The following LDLRAD4 variants were observed in gnomAD, a reference collection of about 807,000 sequenced individuals.
LDLRAD4 encodes the protein low density lipoprotein receptor class A domain containing 4.
Under a neutral mutation model 17.0 loss-of-function variants are expected in LDLRAD4, and 5 were observed. That is an observed-to-expected ratio of 0.29 (90% CI 0.15 to 0.62). The LOEUF (loss-of-function observed/expected upper bound fraction) is 0.62. Among genes scored for constraint, LDLRAD4 ranks in the 20% least tolerant of loss-of-function variants. The pLI is 0.84. For synonymous variants in LDLRAD4, 168 were observed against 171.8 expected (o/e 0.98, Z 0.17); for missense variants, 340 against 424.7 (o/e 0.80, Z 1.75).
chr18:13,482,827 C>T (rs2093126777), intron 3 of LDLRAD4, among the ~76,000 whole-genome samples: 1 of 152,152 alleles, frequency 6.6e-6, no homozygotes, highest in Admixed American at 6.5e-5. Context: ...AGGTAACAGC[C>T]CTTTAGTTGA....
intron 3 of LDLRAD4, among the ~76,000 whole-genome samples, chr18:13,449,868 G>T (rs547269829): frequency 2.0e-5 from 3 of 152,176 alleles, no homozygotes; most frequent in Non-Finnish European, 4.4e-5. Flanking sequence ...GGTTTGGGCA[G>T]GTGGTGGGTT....
chr18:13,627,857 C>T (rs993643502), intron 4 of LDLRAD4, among the ~76,000 whole-genome samples: 8 of 152,224 alleles, frequency 5.3e-5, no homozygotes, highest in Non-Finnish European at 1.0e-4. Flanking sequence ...AGAGGGCAGA[C>T]GGTCCTGGGC....
chr18:13,420,632 C>T (rs1403507958), intron 2 of LDLRAD4: 1 of 152,230 alleles, frequency 6.6e-6, no homozygotes, highest in Non-Finnish European at 1.5e-5. Context: ...ACTGGAGACC[C>T]TCAGTACTGA....
At chr18:13,442,686 C>T (rs1363203855) in intron 3 of LDLRAD4, among the ~76,000 whole-genome samples, 3 of 152,336 alleles carry the variant, frequency 2.0e-5, no homozygotes, top group South Asian at 2.1e-4. Flanking sequence ...CAGCCAAGCA[C>T]GTCCTGTGGT....
intron 3 of LDLRAD4, among the ~76,000 whole-genome samples, chr18:13,584,132 G>A (rs772029820): frequency 1.2e-4 from 18 of 152,304 alleles, no homozygotes; most frequent in Admixed American, 2.0e-4. Context: ...TGTGACCGGC[G>A]TCTGCCTCTG....
At chr18:13,473,709 T>C (rs2092857108) in intron 3 of LDLRAD4, among the ~76,000 whole-genome samples, 1 of 140,668 alleles carries the variant, frequency 7.1e-6, no homozygotes, top group African/African-American at 2.6e-5. Flanking sequence ...ATTTATAATA[T>C]ACATATTATA....
intron 1 of LDLRAD4, among the ~76,000 whole-genome samples, chr18:13,236,931 G>T (rs1278916036): frequency 6.6e-6 from 1 of 152,340 alleles, no homozygotes; most frequent in East Asian, 1.9e-4. Flanking sequence ...TTAGAGATGA[G>T]GATTGTAACA....
chr18:13,377,996 G>C (rs1415896322), intron 1 of LDLRAD4, among the ~76,000 whole-genome samples: 1 of 152,196 alleles, frequency 6.6e-6, no homozygotes, highest in Non-Finnish European at 1.5e-5. Context: ...GAGCAAATGA[G>C]ACAGAAGTGC....
At chr18:13,513,391 G>A (rs1435820966) in intron 3 of LDLRAD4, among the ~76,000 whole-genome samples, 3 of 152,212 alleles carry the variant, frequency 2.0e-5, no homozygotes. Flanking sequence ...AACACAAGAT[G>A]TTTTTGTGGG....
At chr18:13,447,229 G>A (rs1346545772) in intron 3 of LDLRAD4, among the ~76,000 whole-genome samples, 1 of 149,604 alleles carries the variant, frequency 6.7e-6, no homozygotes, top group Admixed American at 6.9e-5. Flanking sequence ...AGGGCAATAT[G>A]CCTCTCTCTG....
intron 3 of LDLRAD4, among the ~76,000 whole-genome samples, chr18:13,573,748 T>C (rs1482772329): frequency 6.6e-6 from 1 of 152,168 alleles, no homozygotes; most frequent in African/African-American, 2.4e-5. Flanking sequence ...AGAATTGTAA[T>C]CAAAGGAACA....
chr18:13,481,495 T>C (rs1464282966), intron 3 of LDLRAD4, among the ~76,000 whole-genome samples: 2 of 152,194 alleles, frequency 1.3e-5, no homozygotes, highest in Non-Finnish European at 2.9e-5. Flanking sequence ...CGGTTGTGCA[T>C]GGCCCCGTCT....
At chr18:13,574,457 T>C (rs1601488799) in intron 3 of LDLRAD4, among the ~76,000 whole-genome samples, 3 of 152,178 alleles carry the variant, frequency 2.0e-5, no homozygotes, top group Non-Finnish European at 4.4e-5. Flanking sequence ...CAGCAGCTCC[T>C]TGGGAGCAGG....
At chr18:13,305,631 A>G (rs915851250) in intron 1 of LDLRAD4, among the ~76,000 whole-genome samples, 17 of 152,226 alleles carry the variant, frequency 1.1e-4, no homozygotes, top group Non-Finnish European at 2.9e-5. Context: ...AAAAGTCATG[A>G]CATTGCAAGA....
chr18:13,571,276 C>T (rs1006942186), intron 3 of LDLRAD4, among the ~76,000 whole-genome samples: 5 of 152,202 alleles, frequency 3.3e-5, no homozygotes, highest in Admixed American at 6.5e-5. Flanking sequence ...CTGACTCAGC[C>T]ACTGTGGTCA....
intron 1 of LDLRAD4, among the ~76,000 whole-genome samples, chr18:13,343,865 C>T (rs1017095734): frequency 6.6e-6 from 1 of 152,184 alleles, no homozygotes; most frequent in Non-Finnish European, 1.5e-5. Context: ...TGCCTTTTGG[C>T]TGCATAAATG....
intron 3 of LDLRAD4, among the ~76,000 whole-genome samples, chr18:13,604,339 C>T (rs2148657638): frequency 1.3e-5 from 2 of 152,312 alleles, no homozygotes; most frequent in South Asian, 4.1e-4. Flanking sequence ...GCCTGCTGCC[C>T]TAACAGCTAT....
intron 3 of LDLRAD4, among the ~76,000 whole-genome samples, chr18:13,448,221 CT>C (rs2091552391): frequency 6.6e-6 from 1 of 152,040 alleles, no homozygotes; most frequent in Non-Finnish European, 1.5e-5. Flanking sequence ...GTCGTGTGTG[CT>C]TAAGACGGGA....
chr18:13,474,153 G>C (rs1428015550), intron 3 of LDLRAD4, among the ~76,000 whole-genome samples: 2 of 152,134 alleles, frequency 1.3e-5, no homozygotes, highest in African/African-American at 4.8e-5. Flanking sequence ...GCTTCCTGAG[G>C]CTTCCCCAGA....
Sources: allele counts gnomAD v4.1 joint callset (sites outside exome capture counted in the v4.1 genomes callset), GRCh38; gene constraint gnomAD v4.1.1; transcripts MANE v1.5; gene names NCBI Gene and HGNC (gene_info 2026-07-23, HGNC 2026-07-21).